The following EXOC6B variants were observed in gnomAD, a reference collection of about 807,000 sequenced individuals.
EXOC6B encodes the protein exocyst complex component 6B, also known as SEC15 homolog B.
A neutral mutation model predicts 113.5 loss-of-function variants in EXOC6B; 54 were observed. The ratio of observed to expected loss-of-function variants is 0.48; its 90% CI spans 0.38 to 0.60. EXOC6B has a LOEUF of 0.60. Ranked by LOEUF, EXOC6B falls within the 20% of genes least tolerant of loss-of-function variation. The probability of loss-of-function intolerance (pLI) is 0.00; values close to 1 mark genes in which losing one functional copy is unlikely to be tolerated. For synonymous variants in EXOC6B, 357 were observed against 339.0 expected (o/e 1.05, Z -0.58); for missense variants, 797 against 977.5 (o/e 0.82, Z 2.46).
At chr2:72,312,759 AAACAACAAC>A (rs199648970) in intron 20 of EXOC6B, among the ~76,000 whole-genome samples, 22 of 150,970 alleles carry the variant, frequency 1.5e-4, no homozygotes, top group South Asian at 4.2e-4. Context: ...TTGTCTCAAA[AAACAACAAC>A]AACAACAACA....
At chr2:72,332,807 T>G (rs1478338501) in intron 20 of EXOC6B, among the ~76,000 whole-genome samples, 1 of 152,164 alleles carries the variant, frequency 6.6e-6, no homozygotes, top group African/African-American at 2.4e-5. Context: ...GTTTAGAGTT[T>G]GAACATCTCT....
intron 18 of EXOC6B, among the ~76,000 whole-genome samples, chr2:72,449,347 A>G (rs891621373): frequency 1.3e-5 from 2 of 151,532 alleles, no homozygotes; most frequent in Non-Finnish European, 2.9e-5. Context: ...ATTTTTTTGT[A>G]TTTTTAGTAG....
chr2:72,331,039 T>C lies in EXOC6B; in HGVS notation c.2196+3908A>G, dbSNP rs563125289. 3.3e-5 allele frequency among the ~76,000 whole-genome samples: 5 copies of C among 152,228 alleles called. No individual in the cohort carries two copies. In the South Asian group the frequency reaches 1.0e-3, roughly 32 times the overall value. ...GAACCTACCCTAAATTGAGAATCTGTAGAAATTTGAGCTTCATAAGTAGTT... is the reference window on the plus strand; with the variant it reads ...GAACCTACCCTAAATTGAGAATCTGCAGAAATTTGAGCTTCATAAGTAGTT... On this transcript the variant is annotated intron_variant, in intron 20 of 21. Coordinates refer to ENST00000272427, the MANE Select transcript of EXOC6B (RefSeq NM_015189.3).
intron 6 of EXOC6B, among the ~76,000 whole-genome samples, chr2:72,660,716 T>G (rs1171039220): frequency 6.6e-6 from 1 of 152,148 alleles, no homozygotes; most frequent in Non-Finnish European, 1.5e-5. Context: ...ATGACAGAAG[T>G]ATTGGAGCAG....
intron 11 of EXOC6B, among the ~76,000 whole-genome samples, chr2:72,503,813 A>G (rs1268577460): frequency 1.3e-5 from 2 of 152,330 alleles, no homozygotes; most frequent in Non-Finnish European, 2.9e-5. Context: ...TCCCACTAGC[A>G]ATGAATGAGA....
At chr2:72,752,546 T>A (rs1325166091) in intron 1 of EXOC6B, among the ~76,000 whole-genome samples, 12 of 149,762 alleles carry the variant, frequency 8.0e-5, no homozygotes, top group Admixed American at 4.0e-4. Flanking sequence ...TTTCTCTCTC[T>A]CACTCTCTCT....
chr2:72,731,837 C>T (rs1573706788), intron 3 of EXOC6B, among the ~76,000 whole-genome samples: 1 of 152,072 alleles, frequency 6.6e-6, no homozygotes, highest in Non-Finnish European at 1.5e-5. Flanking sequence ...ACTGATAAAA[C>T]AATCAAAAGC....
At position 72,803,610 on chromosome 2, in the gene EXOC6B, G is replaced by A. The variant is rs770377389; in HGVS notation, c.113+22188C>T. On this transcript the variant is annotated intron_variant, in intron 1 of 21. Transcript: ENST00000272427. ...CTGTCAGTATTAAAATAAGGAAAATGTGGGAGAAATAATAAACACAGGGAA... is the reference window on the plus strand; with the variant it reads ...CTGTCAGTATTAAAATAAGGAAAATATGGGAGAAATAATAAACACAGGGAA... 4.1e-4 allele frequency among the ~76,000 whole-genome samples: 62 copies of A among 152,144 alleles called. 1 individual carries two copies. The highest frequency in any genetic ancestry group is 1.3e-4 in the Non-Finnish European group (9 of 68,018).
At chr2:72,741,562 A>T in intron 1 of EXOC6B, 93 bp from the exon 2 acceptor site, 1 of 1,125,758 alleles carries the variant, frequency 8.9e-7, no homozygotes, top group Non-Finnish European at 1.3e-6. Context: ...AGGGCACATA[A>T]GCCACAAAAT....
chr2:72,678,691 G>A (rs1486252124), intron 6 of EXOC6B, among the ~76,000 whole-genome samples: 1 of 152,122 alleles, frequency 6.6e-6, no homozygotes, highest in African/African-American at 2.4e-5. Flanking sequence ...GGGTGACAGA[G>A]CAAGACTCTG....
At chr2:72,532,742 A>G (rs1289101180) in intron 8 of EXOC6B, among the ~76,000 whole-genome samples, 1 of 152,014 alleles carries the variant, frequency 6.6e-6, no homozygotes, top group East Asian at 1.9e-4. Context: ...CAGGAGGCGG[A>G]GGTTGCAGTG....
chr2:72,314,946 C>A (rs761661905), intron 20 of EXOC6B, among the ~76,000 whole-genome samples: 5 of 152,046 alleles, frequency 3.3e-5, no homozygotes, highest in Non-Finnish European at 7.4e-5. Flanking sequence ...TTATGAAAAT[C>A]ATTTTTTACT....
At chr2:72,365,602 T>C (rs1445894298) in intron 19 of EXOC6B, among the ~76,000 whole-genome samples, 1 of 152,074 alleles carries the variant, frequency 6.6e-6, no homozygotes, top group Non-Finnish European at 1.5e-5. Context: ...GCAACAAGTA[T>C]TTACAGGACT....
intron 19 of EXOC6B, among the ~76,000 whole-genome samples, chr2:72,378,942 C>T (rs1691518010): frequency 6.6e-6 from 1 of 152,186 alleles, no homozygotes; most frequent in Admixed American, 6.5e-5. Flanking sequence ...GTCAGATACT[C>T]AATCTCCCAG....
intron 7 of EXOC6B, among the ~76,000 whole-genome samples, chr2:72,563,889 T>G (rs1558799875): frequency 6.6e-6 from 1 of 152,182 alleles, no homozygotes; most frequent in Non-Finnish European, 1.5e-5. Context: ...ATTTTTAAAA[T>G]GCATGATGCC....
chr2:72,206,765 G>C (rs961285182), intron 20 of EXOC6B, among the ~76,000 whole-genome samples: 2 of 152,158 alleles, frequency 1.3e-5, no homozygotes, highest in Non-Finnish European at 2.9e-5. Flanking sequence ...TTCATTAGTG[G>C]AATGTGCTGG....
chr2:72,622,789 C>T (rs1299397644), intron 6 of EXOC6B, among the ~76,000 whole-genome samples: 1 of 152,000 alleles, frequency 6.6e-6, no homozygotes, highest in East Asian at 1.9e-4. Context: ...GGGAAATATA[C>T]AAATAAATAA....
intron 1 of EXOC6B, among the ~76,000 whole-genome samples, chr2:72,782,689 C>A (rs1309783645): frequency 6.6e-6 from 1 of 152,088 alleles, no homozygotes; most frequent in African/African-American, 2.4e-5. Flanking sequence ...CACACACCCA[C>A]CCTCCCACTC....
At chr2:72,239,846 T>C (rs1054742159) in intron 20 of EXOC6B, among the ~76,000 whole-genome samples, 45 of 152,298 alleles carry the variant, frequency 3.0e-4, no homozygotes, top group African/African-American at 1.1e-3. Flanking sequence ...TGTTTTACAG[T>C]TTTTAAAGTA....
Sources: allele counts gnomAD v4.1 joint callset (sites outside exome capture counted in the v4.1 genomes callset), GRCh38; gene constraint gnomAD v4.1.1; transcripts MANE v1.5; gene names NCBI Gene and HGNC (gene_info 2026-07-23, HGNC 2026-07-21).